Variants in CDK15 observed in about 807,000 individuals in gnomAD.
CDK15 encodes the protein cyclin dependent kinase 15.
A neutral mutation model predicts 60.3 loss-of-function variants in CDK15; 62 were observed. The observed-to-expected ratio is 1.03, with a 90% CI of 0.84 to 1.27. The LOEUF is 1.27. CDK15 is among the 50% of genes most tolerant of loss of function. The pLI, the probability that CDK15 is intolerant of heterozygous loss-of-function variation, is 0.00. For missense variants in CDK15, 541 were observed against 527.8 expected (o/e 1.03, Z -0.25); for synonymous variants, 194 against 195.7 (o/e 0.99, Z 0.07).
At chr2:201,819,160 G>T (rs71425903) in intron 4 of CDK15, among the ~76,000 whole-genome samples, 1 of 152,096 alleles carries the variant, frequency 6.6e-6, no homozygotes, top group Admixed American at 6.6e-5. Flanking sequence ...GGGCTGCTGA[G>T]GTGGGATGGA....
intron 10 of CDK15, among the ~76,000 whole-genome samples, chr2:201,870,389 T>C (rs530375354): frequency 6.6e-6 from 1 of 152,144 alleles, no homozygotes; most frequent in African/African-American, 2.4e-5. Context: ...TCCATTTATA[T>C]AGGAACTGGA....
chr2:201,858,306 G>A (rs1287356818), intron 10 of CDK15, among the ~76,000 whole-genome samples: 1 of 152,174 alleles, frequency 6.6e-6, no homozygotes, highest in African/African-American at 2.4e-5. Context: ...CAAGGTAAGA[G>A]GGTTGTATAA....
intron 8 of CDK15, among the ~76,000 whole-genome samples, chr2:201,847,023 G>A (rs1386295537): frequency 6.6e-6 from 1 of 152,028 alleles, no homozygotes; most frequent in Non-Finnish European, 1.5e-5. Context: ...AACCAATGAC[G>A]CTTCTTACAA....
chr2:201,845,216 G>C (rs1340973524), intron 8 of CDK15, among the ~76,000 whole-genome samples: 1 of 152,048 alleles, frequency 6.6e-6, no homozygotes, highest in Non-Finnish European at 1.5e-5. Context: ...AAACCTGCTT[G>C]CAAAGCTCAG....
At chr2:201,811,003 C>T (rs1401119706) in intron 3 of CDK15, among the ~76,000 whole-genome samples, 2 of 151,774 alleles carry the variant, frequency 1.3e-5, no homozygotes, top group South Asian at 2.1e-4. Context: ...CCACCATACC[C>T]GGCTAATTTT....
At chr2:201,824,793 G>A (rs1222614743) in intron 6 of CDK15, 3 of 693,068 alleles carry the variant, frequency 4.3e-6, no homozygotes, top group Non-Finnish European at 6.2e-6. Flanking sequence ...AAGAAAATGT[G>A]AAACACCCTC....
intron 10 of CDK15, among the ~76,000 whole-genome samples, chr2:201,863,086 T>C (rs894094821): frequency 3.3e-5 from 5 of 152,220 alleles, no homozygotes; most frequent in Admixed American, 3.3e-4. Context: ...GGAGCGCTGC[T>C]GAAAGCTCCT....
intron 6 of CDK15, among the ~76,000 whole-genome samples, chr2:201,831,133 A>C (rs1045543881): frequency 5.3e-5 from 8 of 152,206 alleles, no homozygotes; most frequent in Admixed American, 4.6e-4. Context: ...TCAGAGGCTT[A>C]TATTTTGAGT....
chr2:201,880,514 A>G (rs577572830), intron 12 of CDK15, among the ~76,000 whole-genome samples: 1 of 152,338 alleles, frequency 6.6e-6, no homozygotes, highest in South Asian at 2.1e-4. Flanking sequence ...AGGAAGCCAC[A>G]CCAGTGTTTC....
At chr2:201,859,260 A>G (rs748604538) in intron 10 of CDK15, among the ~76,000 whole-genome samples, 1 of 152,246 alleles carries the variant, frequency 6.6e-6, no homozygotes, top group African/African-American at 2.4e-5. Context: ...TGAAGATCCC[A>G]GAAACTTAGA....
At chr2:201,844,063 A>T (rs1697529782) in intron 8 of CDK15, among the ~76,000 whole-genome samples, 1 of 152,074 alleles carries the variant, frequency 6.6e-6, no homozygotes, top group Non-Finnish European at 1.5e-5. Context: ...CATTTTTTGA[A>T]ACTTGTTTAA....
intron 10 of CDK15, among the ~76,000 whole-genome samples, chr2:201,867,066 G>A (rs375215725): frequency 1.1e-4 from 17 of 152,146 alleles, no homozygotes; most frequent in South Asian, 4.1e-4. Flanking sequence ...GAATTTACGA[G>A]AACTGAATTT....
chr2:201,847,243 T>C (rs1440939592), intron 8 of CDK15, 138 bp from the exon 9 acceptor site: 1 of 756,840 alleles, frequency 1.3e-6, no homozygotes, highest in African/African-American at 1.8e-5. Context: ...ACTTTTTTTT[T>C]GGCCCAAGAC....
At chr2:201,889,118 C>T (rs1216529361) in intron 12 of CDK15, 2 of 985,216 alleles carry the variant, frequency 2.0e-6, no homozygotes, top group African/African-American at 3.5e-5. Context: ...AAGTTTAGGC[C>T]AGGCGAGGCA....
At chr2:201,842,555 C>G (rs956343796) in intron 8 of CDK15, among the ~76,000 whole-genome samples, 5 of 152,192 alleles carry the variant, frequency 3.3e-5, no homozygotes, top group Non-Finnish European at 7.3e-5. Context: ...AAATGAAATA[C>G]TGATTCATTT....
chr2:201,833,567 AT>A (rs34141512), intron 6 of CDK15, among the ~76,000 whole-genome samples: 2 of 152,148 alleles, frequency 1.3e-5, no homozygotes, highest in African/African-American at 4.8e-5. Flanking sequence ...TTCACTTTAG[AT>A]TTTTAAAGAA....
chr2:201,843,932 G>A (rs1287748074), intron 8 of CDK15, among the ~76,000 whole-genome samples: 1 of 99,738 alleles, frequency 1.0e-5, no homozygotes, highest in East Asian at 3.2e-4. Context: ...ATGACTTCTT[G>A]GTTCCCTACA....
At chr2:201,838,726 G>A (rs375021212) in intron 8 of CDK15, among the ~76,000 whole-genome samples, 13 of 152,034 alleles carry the variant, frequency 8.6e-5, no homozygotes, top group African/African-American at 2.7e-4. Flanking sequence ...GCTTAATAAC[G>A]TGAACTTCAT....
At chr2:201,820,819 C>A (rs926088028) in intron 4 of CDK15, among the ~76,000 whole-genome samples, 6 of 152,144 alleles carry the variant, frequency 3.9e-5, no homozygotes, top group African/African-American at 1.4e-4. Flanking sequence ...TACAAAGCAA[C>A]ACATTTGTCA....
Sources: allele counts gnomAD v4.1 joint callset (sites outside exome capture counted in the v4.1 genomes callset), GRCh38; gene constraint gnomAD v4.1.1; transcripts MANE v1.5; gene names NCBI Gene and HGNC (gene_info 2026-07-23, HGNC 2026-07-21).